CCPG1: variants seen among roughly 807,000 people sequenced by gnomAD.
CCPG1 encodes the protein cell cycle progression 1, also known as cell cycle progression protein 1.
A neutral mutation model predicts 81.3 loss-of-function variants in CCPG1; 46 were observed. That is an observed-to-expected ratio of 0.57 (90% CI 0.45 to 0.72). The LOEUF is 0.72. CCPG1 is among the 30% of genes least tolerant of loss of function. The pLI is 0.00. For synonymous variants in CCPG1, 330 were observed against 305.2 expected (o/e 1.08, Z -0.85); for missense variants, 902 against 937.6 (o/e 0.96, Z 0.50).
intron 8 of CCPG1, chr15:55,356,688 G>A (rs1332816796): frequency 2.7e-6 from 3 of 1,127,854 alleles, no homozygotes; most frequent in Non-Finnish European, 3.2e-6. Flanking sequence ...ATAATGAGAT[G>A]TGTTTCCATT....
chr15:55,378,896 C>T (rs1340667558), intron 3 of CCPG1, among the ~76,000 whole-genome samples: 1 of 152,056 alleles, frequency 6.6e-6, no homozygotes, highest in Non-Finnish European at 1.5e-5. Context: ...CGTGCCCAGC[C>T]ACAAGATTTA....
rs775756132 is a variant in CCPG1 at position 55,377,033 on chromosome 15, T to G, written c.370A>C (p.Ile124Leu). 6.2e-7 allele frequency: 1 copy of G among 1,613,976 alleles called. No homozygotes were observed. The highest frequency in any genetic ancestry group is 1.1e-5 in the South Asian group (1 of 91,086). The change falls in exon 5 of 9, where the codon ATT becomes CTT. Residue 124 changes from isoleucine to leucine, a missense_variant. Around this residue, in one of 3 missense-constraint regions of CCPG1, gnomAD observed 746 missense variants for 728.6 expected, o/e 1.02. Transcript: ENST00000442196. Reference protein sequence around the residue: ...LEEIGNQEVVIVEEAQSSEDF... With the variant: ...LEEIGNQEVVLVEEAQSSEDF... ...TCTGAACTCTGTGCTTCTTCAACAA[T>G]GACAACTTCTTGATTTCCAATTTCT...
intron 5 of CCPG1, among the ~76,000 whole-genome samples, chr15:55,374,764 G>A (rs1336881487): frequency 6.6e-6 from 1 of 152,148 alleles, no homozygotes. Context: ...CAGAGTAGCT[G>A]GGATTACAGG....
chr15:55,393,890 C>A (rs190256273), intron 1 of CCPG1, among the ~76,000 whole-genome samples: 1 of 152,224 alleles, frequency 6.6e-6, no homozygotes, highest in East Asian at 1.9e-4. Flanking sequence ...GTATTGAAAC[C>A]CCCACAAATT....
chr15:55,406,437 TTTTTTTTTTTTTG>T (rs576317212), intron 1 of CCPG1, among the ~76,000 whole-genome samples: 4,972 of 42,006 alleles, frequency 0.12, 48 homozygotes, highest in Non-Finnish European at 0.16. Context: ...TCTTTTTCTC[TTTTTTTTTTTTTG>T]TTTTTTTTTT....
Position 55,356,223 on chromosome 15 carries a change from G to A in CCPG1, c.2421C>T (p.Tyr807=). 1.3e-6 allele frequency: 2 copies of A among 1,532,648 alleles called. No individual in the cohort carries two copies. The highest frequency in any genetic ancestry group is 1.7e-6 in the Non-Finnish European group (2 of 1,145,374). 94.9% of individuals were successfully genotyped at this position (1,532,648 alleles called of 1,614,324 possible). A position where few individuals can be genotyped will look rare whatever the true frequency, so the allele number is the denominator to read the frequency against. The stretch of plus-strand genomic sequence containing the variant: ...TCTAATTTAACTCAATTGTGAATCA[G>A]TATTGAGGATCAAAAGGTAATTGCC... ...ELGQLPFDPQ[Y] is the part of the protein sequence containing the mutation. The change falls in exon 9 of 9, where the codon TAC becomes TAT. Residue 807 remains tyrosine (Y), a synonymous_variant. Transcript: ENST00000442196.
chr15:55,356,908 C>A (rs138113869), intron 8 of CCPG1: 11,163 of 985,634 alleles, frequency 0.011, 71 homozygotes, highest in Non-Finnish European at 0.013. Flanking sequence ...CATCCCCTGG[C>A]CGCCCAGTTT....
chr15:55,356,716 A>T (rs1047315931), intron 8 of CCPG1: 16 of 1,069,960 alleles, frequency 1.5e-5, no homozygotes, highest in Non-Finnish European at 1.8e-5. Flanking sequence ...CTCCTTTCCT[A>T]TAAAAATCAG....
intron 5 of CCPG1, chr15:55,372,855 C>G (rs1008223431): frequency 2.1e-6 from 1 of 479,342 alleles, no homozygotes. Context: ...TTGGGTGTAT[C>G]TGGTCTCTAG....
At chr15:55,368,206 C>G (rs974681568) in intron 6 of CCPG1, among the ~76,000 whole-genome samples, 1 of 152,094 alleles carries the variant, frequency 6.6e-6, no homozygotes, top group East Asian at 1.9e-4. Flanking sequence ...TCATGTATAT[C>G]AAGGGATGAC....
At chr15:55,389,322 T>C (rs769185108) in intron 2 of CCPG1, 43 bp downstream of exon 2, 2 of 1,334,280 alleles carry the variant, frequency 1.5e-6, no homozygotes, top group Admixed American at 3.4e-5. Context: ...ACTGGTAACA[T>C]TAATATTACA....
chr15:55,372,218 G>A, intron 5 of CCPG1, 174 bp from the exon 6 acceptor site: 1 of 610,558 alleles, frequency 1.6e-6, no homozygotes, highest in Non-Finnish European at 2.9e-6. Context: ...TCAACATAAA[G>A]CCAAAACATA....
chr15:55,359,698 T>C lies in CCPG1; in HGVS notation c.2075A>G (p.His692Arg), dbSNP rs771967580. The stretch of plus-strand genomic sequence containing the variant: ...AAAGTCAGTGAAGAGCTTCTGATCA[T>C]GTATAAAGACACCGTTTAGGAAAAA... The part of the protein sequence containing the change: ...NKFFLNGVFI[H>R]DQKLFTDFVN... The change falls in exon 8 of 9, where the codon CAT (histidine) becomes CGT (arginine). Residue 692 changes from histidine to arginine, a missense_variant. By Grantham distance (29) the His-to-Arg change is conservative. Coordinates refer to ENST00000442196, the MANE Select transcript of CCPG1 (RefSeq NM_001204450.2). 1.2e-6 allele frequency: 2 copies of C among 1,613,672 alleles called. No individual in the cohort carries two copies. Among genetic ancestry groups the C allele is most frequent in the South Asian group, 1.1e-5 (1 of 91,074 alleles).
In CCPG1 at chr15:55,356,199, CTAATT is replaced by C; in HGVS notation, c.*16_*20del. On this transcript the variant is annotated 3_prime_UTR_variant, in exon 9 of 9. Coordinates refer to ENST00000442196, the MANE Select transcript of CCPG1 (RefSeq NM_001204450.2). ...GCATAAATTTTTCTCTTACAGTTGTCTAATTTAACTCAATTGTGAATCAGTATTGA... is the reference window on the plus strand; with the variant it reads ...GCATAAATTTTTCTCTTACAGTTGTCTAACTCAATTGTGAATCAGTATTGA... The C allele has an allele frequency of 6.6e-7, 1 of 1,505,466 alleles. No individual in the cohort carries two copies. The highest frequency in any genetic ancestry group is 8.8e-7 in the Non-Finnish European group (1 of 1,132,426). The allele number at this position is 1,505,466 out of a possible 1,614,324, so 93.3% of individuals were successfully genotyped here. A position where few individuals can be genotyped will look rare whatever the true frequency, so the allele number is the denominator to read the frequency against.
chr15:55,356,167 AT>A lies in CCPG1; in HGVS notation c.*52del. The A allele has an allele frequency of 7.5e-7, 1 of 1,341,662 alleles. No individual in the cohort carries two copies. Among genetic ancestry groups the A allele is most frequent in the Non-Finnish European group, 1.0e-6 (1 of 991,996 alleles). The allele number at this position is 1,341,662 out of a possible 1,614,324, so 83.1% of individuals were successfully genotyped here. ...TTCATTAGTTTCAATACCAAACATT[AT>A]ACAAAGCATAAATTTTTCTCTTACA... On this transcript the variant is annotated 3_prime_UTR_variant, in exon 9 of 9. Coordinates refer to ENST00000442196, the MANE Select transcript of CCPG1 (RefSeq NM_001204450.2).
intron 1 of CCPG1, among the ~76,000 whole-genome samples, chr15:55,400,650 T>A (rs2057111776): frequency 6.6e-6 from 1 of 152,194 alleles, no homozygotes; most frequent in Non-Finnish European, 1.5e-5. Flanking sequence ...CAACAACATA[T>A]GAAAGTACCT....
intron 8 of CCPG1, chr15:55,358,578 A>G: frequency 3.0e-6 from 3 of 985,418 alleles, no homozygotes; most frequent in Non-Finnish European, 3.6e-6. Flanking sequence ...CCCTGTCTGC[A>G]TAGCAAATCC....
intron 2 of CCPG1, among the ~76,000 whole-genome samples, chr15:55,387,522 G>A (rs2141308568): frequency 6.6e-6 from 1 of 151,936 alleles, no homozygotes; most frequent in African/African-American, 2.4e-5. Flanking sequence ...TTAACTAATA[G>A]TTTAAAAAAC....
At chr15:55,375,260 C>A (rs908064112) in intron 5 of CCPG1, among the ~76,000 whole-genome samples, 5 of 151,356 alleles carry the variant, frequency 3.3e-5, no homozygotes, top group East Asian at 2.0e-4. Context: ...TGAGCCACCA[C>A]GCCCAGCAAC....
Sources: allele counts gnomAD v4.1 joint callset (sites outside exome capture counted in the v4.1 genomes callset), GRCh38; gene constraint gnomAD v4.1.1; regional missense constraint gnomAD v4.1.1; transcripts MANE v1.5; gene names NCBI Gene and HGNC (gene_info 2026-07-23, HGNC 2026-07-21).